OVCH1: variants seen among roughly 807,000 people sequenced by gnomAD.
The protein encoded by OVCH1 is ovochymase 1.
Under a neutral mutation model 138.4 loss-of-function variants are expected in OVCH1, and 139 were observed. The observed-to-expected ratio is 1.00, with a 90% CI of 0.87 to 1.16. The LOEUF is 1.16. Among genes scored for constraint, OVCH1 ranks in the 50% most tolerant of loss-of-function variants. The pLI, the probability that OVCH1 is intolerant of heterozygous loss-of-function variation, is 0.00. For missense variants in OVCH1, 1,367 were observed against 1,357.9 expected, an observed-to-expected ratio of 1.01 and a Z score of -0.11; for synonymous variants, 453 against 467.8, an observed-to-expected ratio of 0.97 and a Z score of 0.41.
intron 1 of OVCH1, 25 bp from the exon 2 acceptor site, chr12:29,496,699 GCA>G (rs759498808): frequency 1.0e-4 from 153 of 1,486,762 alleles, no homozygotes; most frequent in Admixed American, 2.5e-4. Flanking sequence ...ATGTGTGTGT[GCA>G]CACACAGAGC....
chr12:29,471,679 A>G (rs1272737145), intron 16 of OVCH1, 123 bp downstream of exon 16: 1 of 1,147,152 alleles, frequency 8.7e-7, no homozygotes, highest in Non-Finnish European at 1.2e-6. Context: ...TGCAGAAGAA[A>G]CACTAAAAGA....
At chr12:29,440,627 A>C (rs1941459648) in intron 25 of OVCH1, 1 of 429,508 alleles carries the variant, frequency 2.3e-6, no homozygotes, top group African/African-American at 2.0e-5. Flanking sequence ...GTAGGGCAAG[A>C]AAGATAGAAG....
At chr12:29,451,565 A>G (rs903528916) in exon 22 of OVCH1, 2 of 1,608,242 alleles carry the variant, frequency 1.2e-6, no homozygotes, top group Non-Finnish European at 1.7e-6. Flanking sequence ...CTTCAGAGCA[A>G]CAACCTGCAA....
rs1941574938 is a variant in OVCH1 at position 29,444,964 on chromosome 12, A to G, written c.2881+314T>C. Among the ~76,000 whole-genome samples, 4 of 152,112 alleles carry G rather than the reference A, an allele frequency of 2.6e-5. No homozygotes were observed. The South Asian group carries it at 8.3e-4, about 31-fold the overall frequency. On this transcript the variant is annotated intron_variant, in intron 23 of 27. Transcript: ENST00000318184. ...TTAGAACCCAAATCTTCTGAGCCACAAGAATTTACAGCTACAGAAAACATT... is the reference window on the plus strand; with the variant it reads ...TTAGAACCCAAATCTTCTGAGCCACGAGAATTTACAGCTACAGAAAACATT...
rs1345922425 is a variant in OVCH1, at chr12:29,479,351, T to A, written c.996-443A>T. Among the ~76,000 whole-genome samples the A allele has an allele frequency of 2.0e-5, 3 of 152,334 alleles. No individual in the cohort carries two copies. In the East Asian group the frequency reaches 5.8e-4, roughly 29 times the overall value. ...TATGAATGGACCATACAGCGTATGC[T>A]AACCTTAAACAGCCACATATTCCAA... is the stretch of plus-strand genomic sequence containing the variant. On this transcript the variant is annotated intron_variant, in intron 8 of 27. Transcript: ENST00000318184.
chr12:29,425,347 G>T (rs1053814117), downstream of OVCH1, among the ~76,000 whole-genome samples: 2 of 152,148 alleles, frequency 1.3e-5, no homozygotes, highest in Admixed American at 1.3e-4. Context: ...TTAAATACAG[G>T]CTCCTAGATT....
rs368754275 is a variant in OVCH1 at position 29,478,869 on chromosome 12, A to T, written c.1035T>A (p.Tyr345Ter). ...CTCCACTGCTTGATCGTAAAGATAC[A>T]TAGTCATGATCACATCCAACTTGCT... The change falls in exon 9 of 28, where the codon TAT becomes TAA. Residue 345 changes from tyrosine (Y) to a stop codon, truncating the protein, a stop_gained. Transcript: ENST00000318184. LOFTEE classifies it high-confidence loss of function. The T allele has an allele frequency of 2.5e-6, 4 of 1,594,398 alleles. No individual in the cohort carries two copies. In the East Asian group the frequency reaches 9.1e-5, roughly 36 times the overall value.
chr12:29,464,936 A>T (rs925090451), intron 17 of OVCH1, among the ~76,000 whole-genome samples: 1 of 152,186 alleles, frequency 6.6e-6, no homozygotes, highest in African/African-American at 2.4e-5. Context: ...ACCTGTGTCC[A>T]TGGGCCTAAA....
At chr12:29,487,078 C>T (rs781584718) in intron 7 of OVCH1, 15 of 338,478 alleles carry the variant, frequency 4.4e-5, no homozygotes, top group Non-Finnish European at 6.6e-5. Context: ...CATGAGAAAG[C>T]GATGGAGGAT....
chr12:29,473,975 T>G (rs535262066), intron 14 of OVCH1, among the ~76,000 whole-genome samples: 3 of 152,192 alleles, frequency 2.0e-5, no homozygotes, highest in South Asian at 4.2e-4. Flanking sequence ...TCTTCAGTTT[T>G]GGGACTCGGA....
chr12:29,432,615 A>G (rs1441154600), intron 27 of OVCH1, among the ~76,000 whole-genome samples: 1 of 152,198 alleles, frequency 6.6e-6, no homozygotes, highest in Non-Finnish European at 1.5e-5. Flanking sequence ...CTAGTGTTCA[A>G]TAAAGAAGCT....
chr12:29,464,489 C>A lies in OVCH1; in HGVS notation c.2125+18G>T, dbSNP rs1365121415. Reference sequence around the variant, plus strand: ...ATAACAACTGGCATTAATGTTTATGCAACAAAAATATGCTTACCTGCACTG... The same window carrying A: ...ATAACAACTGGCATTAATGTTTATGAAACAAAAATATGCTTACCTGCACTG... On this transcript the variant is annotated intron_variant, in intron 18 of 27. Coordinates refer to ENST00000318184, the Ensembl canonical transcript of OVCH1. 1.9e-6 allele frequency: 3 copies of A among 1,610,682 alleles called. No homozygotes were observed. The highest frequency in any genetic ancestry group is 2.5e-6 in the Non-Finnish European group (3 of 1,178,206).
At chr12:29,454,841 C>T (rs750860458) in exon 21 of OVCH1, 7 of 1,602,888 alleles carry the variant, frequency 4.4e-6, no homozygotes, top group Non-Finnish European at 6.0e-6. Context: ...CATTTATTAC[C>T]TGGCCAAGAT....
intron 14 of OVCH1, 78 bp downstream of exon 14, chr12:29,474,983 G>T: frequency 6.9e-7 from 1 of 1,455,042 alleles, no homozygotes; most frequent in Non-Finnish European, 9.3e-7. Context: ...ACTACATTGA[G>T]GTAAACATGG....
intron 3 of OVCH1, among the ~76,000 whole-genome samples, chr12:29,415,210 C>T (rs764088689): frequency 2.0e-5 from 3 of 151,896 alleles, no homozygotes; most frequent in Admixed American, 6.6e-5. Flanking sequence ...GCACAGTCCT[C>T]GGAGAACAGG....
At chr12:29,408,913 A>C (rs538490389), downstream of OVCH1, among the ~76,000 whole-genome samples, 1 of 152,328 alleles carries the variant, frequency 6.6e-6, no homozygotes, top group East Asian at 1.9e-4. Flanking sequence ...CTCCAGTAGA[A>C]TTTGGCTGTG....
At chr12:29,496,403 A>G (rs771143454) in intron 2 of OVCH1, 125 bp from the exon 3 acceptor site, 10 of 1,128,070 alleles carry the variant, frequency 8.9e-6, no homozygotes, top group Non-Finnish European at 1.3e-5. Flanking sequence ...CATAAATTGG[A>G]TAGTAAGATA....
At chr12:29,433,668 C>CT (rs1941308349) in intron 27 of OVCH1, 1 of 1,336,102 alleles carries the variant, frequency 7.5e-7, no homozygotes, top group African/African-American at 1.5e-5. Context: ...ATTCCTACAA[C>CT]AATTTGTTGG....
exon 25 of OVCH1, chr12:29,443,410 A>G (rs1941537065): frequency 6.2e-7 from 1 of 1,612,282 alleles, no homozygotes; most frequent in Middle Eastern, 1.7e-4. Context: ...GCAGATGACC[A>G]TGACAGACAA....
Sources: allele counts gnomAD v4.1 joint callset (sites outside exome capture counted in the v4.1 genomes callset), GRCh38; gene constraint gnomAD v4.1.1; transcripts MANE v1.5; gene names NCBI Gene and HGNC (gene_info 2026-07-23, HGNC 2026-07-21).